Variants in FRRS1 observed in about 807,000 individuals in gnomAD.
FRRS1 encodes the protein ferric reductase 1.
Under a neutral mutation model 70.7 loss-of-function variants are expected in FRRS1, and 51 were observed. That is an observed-to-expected ratio of 0.72 (90% CI 0.58 to 0.91). The LOEUF is 0.91. Ranked by LOEUF, FRRS1 falls within the 40% of genes least tolerant of loss-of-function variation. The probability of loss-of-function intolerance (pLI) is 0.00; values close to 1 mark genes in which losing one functional copy is unlikely to be tolerated. For synonymous variants in FRRS1, 225 were observed against 238.7 expected, an observed-to-expected ratio of 0.94 and a Z score of 0.53; for missense variants, 672 against 726.0, an observed-to-expected ratio of 0.93 and a Z score of 0.86.
intron 9 of FRRS1, among the ~76,000 whole-genome samples, chr1:99,721,701 C>T (rs1654835052): frequency 6.6e-6 from 1 of 151,116 alleles, no homozygotes; most frequent in South Asian, 2.1e-4. Flanking sequence ...CAGGTTCAAG[C>T]CATTCTCCTG....
intron 9 of FRRS1, among the ~76,000 whole-genome samples, chr1:99,726,707 C>T (rs548280903): frequency 6.6e-6 from 1 of 152,126 alleles, no homozygotes; most frequent in Non-Finnish European, 1.5e-5. Context: ...CTACATTTCC[C>T]ATGTTCCTTT....
At chr1:99,740,418 C>T (rs774812801) in intron 6 of FRRS1, among the ~76,000 whole-genome samples, 1 of 152,168 alleles carries the variant, frequency 6.6e-6, no homozygotes, top group African/African-American at 2.4e-5. Context: ...GCTACCACTA[C>T]CCAGCACAGC....
intron 1 of FRRS1, among the ~76,000 whole-genome samples, chr1:99,752,382 AG>A (rs1388494649): frequency 6.6e-6 from 1 of 152,180 alleles, no homozygotes; most frequent in Non-Finnish European, 1.5e-5. Context: ...AGGCCATTAT[AG>A]GGTTCTTAAA....
chr1:99,750,986 GT>G, intron 1 of FRRS1, among the ~76,000 whole-genome samples: 1 of 152,290 alleles, frequency 6.6e-6, no homozygotes, highest in South Asian at 2.1e-4. Context: ...GTCTATGAAT[GT>G]ATTTCTAAAA....
At position 99,740,841 on chromosome 1, in the gene FRRS1, T is replaced by G; in HGVS notation, c.528A>C (p.Thr176=). 6.2e-7 allele frequency: 1 copy of G among 1,611,090 alleles called. No homozygotes were observed. Among genetic ancestry groups the G allele is most frequent in the East Asian group, 2.2e-5 (1 of 44,868 alleles). The change falls in exon 6 of 17, where the codon ACA becomes ACC. Residue 176 remains threonine, a synonymous_variant. Transcript: ENST00000646001. ...NAFPFTTPKA[T]VVPLPTLPPV... ...GAGGTAACGTTGGCAAAGGTACTAC[T>G]GTAGCTTTAGGTGTTGTAAAAGGAA...
intron 1 of FRRS1, among the ~76,000 whole-genome samples, chr1:99,750,655 T>C (rs372768068): frequency 3.1e-4 from 38 of 124,414 alleles, no homozygotes; most frequent in African/African-American, 1.1e-3. Flanking sequence ...GATATCTCAA[T>C]AGAAAAATAT....
At chr1:99,759,898 A>T (rs577675923) in intron 1 of FRRS1, among the ~76,000 whole-genome samples, 1 of 152,240 alleles carries the variant, frequency 6.6e-6, no homozygotes, top group Admixed American at 6.5e-5. Context: ...TCTAACTGCA[A>T]TAGCCATGTT....
chr1:99,735,465 T>C (rs772054620), intron 7 of FRRS1, among the ~76,000 whole-genome samples: 1 of 152,196 alleles, frequency 6.6e-6, no homozygotes, highest in Non-Finnish European at 1.5e-5. Context: ...AGTATTTAAA[T>C]TTACATTATA....
At chr1:99,736,829 CA>C (rs1457800686) in intron 7 of FRRS1, among the ~76,000 whole-genome samples, 2 of 125,184 alleles carry the variant, frequency 1.6e-5, no homozygotes, top group Admixed American at 1.5e-4. Flanking sequence ...AGAATTAGGA[CA>C]ATTAAAAAAA....
At chr1:99,751,816 G>A (rs1445834993) in intron 1 of FRRS1, among the ~76,000 whole-genome samples, 2 of 152,158 alleles carry the variant, frequency 1.3e-5, no homozygotes, top group Admixed American at 6.5e-5. Flanking sequence ...CATAAAGAAA[G>A]GAGAGCATTG....
intron 7 of FRRS1, among the ~76,000 whole-genome samples, chr1:99,733,781 GGAGAAA>G (rs1417473367): frequency 2.0e-5 from 3 of 152,310 alleles, no homozygotes; most frequent in African/African-American, 7.2e-5. Context: ...TTGATTCATA[GGAGAAA>G]CATCAATAAA....
At chr1:99,759,378 C>A (rs1657009938) in intron 1 of FRRS1, among the ~76,000 whole-genome samples, 1 of 152,128 alleles carries the variant, frequency 6.6e-6, no homozygotes. Flanking sequence ...TAGAAAGAAC[C>A]TATGTTGAAA....
chr1:99,734,961 G>A (rs559434030), intron 7 of FRRS1, among the ~76,000 whole-genome samples: 2 of 152,262 alleles, frequency 1.3e-5, no homozygotes, highest in South Asian at 2.1e-4. Context: ...ATGATACAGC[G>A]CAGTGGAAGG....
At chr1:99,729,512 C>G in intron 8 of FRRS1, 138 bp downstream of exon 8, 1 of 548,812 alleles carries the variant, frequency 1.8e-6, no homozygotes, top group Non-Finnish European at 3.3e-6. Context: ...ATGAGAGGAG[C>G]CCTGCTGGCA....
At chr1:99,728,363 A>T in intron 9 of FRRS1, 130 bp downstream of exon 9, 1 of 800,212 alleles carries the variant, frequency 1.2e-6, no homozygotes, top group Non-Finnish European at 1.9e-6. Flanking sequence ...GTTTCTGGCA[A>T]AATTTGACAT....
Position 99,729,649 on chromosome 1 carries a change from C to T in FRRS1, c.858+1G>A. On this transcript the variant is annotated splice_donor_variant, in intron 8 of 16. Coordinates refer to ENST00000646001, the MANE Select transcript of FRRS1 (RefSeq NM_001361041.2). LOFTEE classifies it high-confidence loss of function. ...GAGGTTCTCAGAATTTTCACACCTACCCTGGAGTCCATTACAGGGTGACTT... is the reference window on the plus strand; with the variant it reads ...GAGGTTCTCAGAATTTTCACACCTATCCTGGAGTCCATTACAGGGTGACTT... 6.3e-7 allele frequency: 1 copy of T among 1,598,038 alleles called. No homozygotes were observed. Among genetic ancestry groups the T allele is most frequent in the African/African-American group, 1.3e-5 (1 of 74,690 alleles).
intron 1 of FRRS1, among the ~76,000 whole-genome samples, chr1:99,763,559 A>G (rs1657209758): frequency 6.6e-6 from 1 of 152,200 alleles, no homozygotes; most frequent in Non-Finnish European, 1.5e-5. Flanking sequence ...CTGACCTGGA[A>G]ATTTCATTTC....
At chr1:99,730,066 A>G (rs925719830) in intron 7 of FRRS1, among the ~76,000 whole-genome samples, 1 of 152,134 alleles carries the variant, frequency 6.6e-6, no homozygotes, top group South Asian at 2.1e-4. Context: ...ATTCATCCAA[A>G]CCTATTTGTA....
At chr1:99,746,089 CT>C (rs1264623822) in intron 4 of FRRS1, among the ~76,000 whole-genome samples, 10 of 152,218 alleles carry the variant, frequency 6.6e-5, no homozygotes, top group Admixed American at 6.5e-4. Context: ...GTCTTAGGCA[CT>C]TCTTTTAGCA....
Sources: allele counts gnomAD v4.1 joint callset (sites outside exome capture counted in the v4.1 genomes callset), GRCh38; gene constraint gnomAD v4.1.1; transcripts MANE v1.5; gene names NCBI Gene and HGNC (gene_info 2026-07-23, HGNC 2026-07-21).